Variants in AKAP1 observed in about 807,000 individuals in gnomAD.
The protein encoded by AKAP1 is A-kinase anchor protein 1, mitochondrial.
AKAP1 carries 32 observed loss-of-function variants against 79.8 expected under a neutral mutation model. The ratio of observed to expected loss-of-function variants is 0.40; its 90% confidence interval spans 0.30 to 0.54. The LOEUF is 0.54. Ranked by LOEUF, AKAP1 falls within the 20% of genes least tolerant of loss-of-function variation. The pLI, the probability that AKAP1 is intolerant of heterozygous loss-of-function variation, is 0.47. For missense variants in AKAP1, 961 were observed against 1,138.9 expected, an observed-to-expected ratio of 0.84 and a Z score of 2.25; for synonymous variants, 416 against 466.7, an observed-to-expected ratio of 0.89 and a Z score of 1.40.
In AKAP1 at chr17:57,112,532, A is replaced by C. The variant is rs150230283; in HGVS notation, c.2017A>C (p.Lys673Gln). 119 of 1,614,172 alleles carry C rather than the reference A, an allele frequency of 7.4e-5. No homozygotes were observed. The African/African-American group carries it at 1.5e-3, about 20-fold the overall frequency. The change falls in exon 5 of 11, where the codon AAG becomes CAG. Residue 673 changes from lysine to glutamine, a missense_variant. Lys to Gln is a moderately conservative substitution (Grantham distance 53). Transcript: ENST00000337714. ...AGACAAAGCGCTGAACTTGATTGGG[A>C]AGAAGTTCAAAGAGCTGAACCTCAC... ...HVDKALNLIGKKFKELNLTNI... is the reference protein window; with the variant it reads ...HVDKALNLIGQKFKELNLTNI...
At chr17:57,119,102 G>A (rs1413178064) in intron 10 of AKAP1, 58 bp downstream of exon 10, 1 of 1,563,754 alleles carries the variant, frequency 6.4e-7, no homozygotes, top group African/African-American at 1.4e-5. Context: ...GGATTGATTA[G>A]GAGCTGGTCC....
Position 57,105,680 on chromosome 17 carries a change from C to T in AKAP1, c.216C>T (p.Pro72=). The T allele has an allele frequency of 2.5e-6, 4 of 1,614,184 alleles. No homozygotes were observed. The highest frequency in any genetic ancestry group is 3.4e-6 in the Non-Finnish European group (4 of 1,180,028). Residue 72 remains proline (P), a synonymous_variant, in exon 2 of 11, where the codon CCC becomes CCT. Coordinates refer to ENST00000337714, the MANE Select transcript of AKAP1 (RefSeq NM_003488.4). Reference sequence around the variant, plus strand: ...GTCCCAAAGTAGTGTCCACACCCCCCAGTGTCACAGAGCCTCCAGAAAAGG... The same window carrying T: ...GTCCCAAAGTAGTGTCCACACCCCCTAGTGTCACAGAGCCTCCAGAAAAGG... The part of the protein sequence containing the change: ...DVCPKVVSTP[P]SVTEPPEKEL...
intron 6 of AKAP1, 40 bp from the exon 7 acceptor site, chr17:57,116,071 T>G: frequency 1.3e-6 from 2 of 1,599,660 alleles, no homozygotes; most frequent in East Asian, 4.5e-5. Context: ...TGCCCTGCCC[T>G]GGCCCAGGCG....
rs751008592 is a variant in AKAP1 at position 57,112,632 on chromosome 17, T to G, written c.2103+14T>G. On this transcript the variant is annotated intron_variant, in intron 5 of 10. Coordinates refer to ENST00000337714, the MANE Select transcript of AKAP1 (RefSeq NM_003488.4). ...ATGACATCCTGGGTGAGCGTGCTACTGGGTGATCCGGACTTCTTGCCACTT... is the reference window on the plus strand; with the variant it reads ...ATGACATCCTGGGTGAGCGTGCTACGGGGTGATCCGGACTTCTTGCCACTT... 1.4e-5 allele frequency: 23 copies of G among 1,596,442 alleles called. No individual in the cohort carries two copies. Among genetic ancestry groups the G allele is most frequent in the Admixed American group, 1.2e-4 (7 of 57,118 alleles).
chr17:57,098,856 G>C (rs1363057761), intron 1 of AKAP1, among the ~76,000 whole-genome samples: 1 of 150,450 alleles, frequency 6.6e-6, no homozygotes, highest in Non-Finnish European at 1.5e-5. Flanking sequence ...CCGCCTCCCA[G>C]GTTCATGCCA....
chr17:57,108,429 A>AT (rs535529304), intron 2 of AKAP1, among the ~76,000 whole-genome samples: 124 of 152,194 alleles, frequency 8.1e-4, no homozygotes, highest in African/African-American at 2.9e-3. Context: ...TATTTTATTT[A>AT]TTTTTTAAGA....
At chr17:57,098,648 T>A (rs1037901516) in intron 1 of AKAP1, 15 of 151,738 alleles carry the variant, frequency 9.9e-5, no homozygotes, top group African/African-American at 3.4e-4. Context: ...TACCACCTCT[T>A]GTAGCCCTGT....
chr17:57,099,054 C>T (rs1331959255), intron 1 of AKAP1, among the ~76,000 whole-genome samples: 2 of 152,010 alleles, frequency 1.3e-5, no homozygotes, highest in African/African-American at 2.4e-5. Flanking sequence ...CGTGAGCCAC[C>T]GCACCTAGCC....
chr17:57,116,417 G>A (rs1192123614), intron 7 of AKAP1, among the ~76,000 whole-genome samples, 156 bp downstream of exon 7: 2 of 152,114 alleles, frequency 1.3e-5, no homozygotes, highest in Admixed American at 6.5e-5. Flanking sequence ...AAACAAACTC[G>A]ATTACTCGCT....
intron 1 of AKAP1, among the ~76,000 whole-genome samples, chr17:57,090,827 G>A (rs1313797634): frequency 6.6e-6 from 1 of 152,204 alleles, no homozygotes; most frequent in African/African-American, 2.4e-5. Context: ...TGAGGGCTCA[G>A]GGAAACTGCT....
chr17:57,098,616 C>G (rs1914269636), intron 1 of AKAP1: 1 of 152,206 alleles, frequency 6.6e-6, no homozygotes, highest in Non-Finnish European at 1.5e-5. Flanking sequence ...CCTGGGCACT[C>G]AGGAAAGCCT....
rs112469662 is a variant in AKAP1, at chr17:57,106,186, G to C, written c.722G>C (p.Gly241Ala). The change falls in exon 2 of 11, where the codon GGG becomes GCG. Residue 241 changes from glycine (G) to alanine (A), a missense_variant. Physicochemically the swap from Gly to Ala is moderately conservative, Grantham distance 60. Coordinates refer to ENST00000337714, the MANE Select transcript of AKAP1 (RefSeq NM_003488.4). Reference sequence around the variant, plus strand: ...GGCCCCAGCCTGGCCTCTTTAGAGGGGGAAGAAGATAAGGGGAAGAGCAGC... The same window carrying C: ...GGCCCCAGCCTGGCCTCTTTAGAGGCGGAAGAAGATAAGGGGAAGAGCAGC... ...SKGPSLASLE[G>A]EEDKGKSSSS... 5.5e-4 allele frequency: 890 copies of C among 1,614,146 alleles called. 4 individuals are homozygous for C. In the African/African-American group the frequency reaches 9.9e-3, roughly 18 times the overall value.
chr17:57,085,652 G>C (rs1042733296), intron 1 of AKAP1: 1 of 152,214 alleles, frequency 6.6e-6, no homozygotes, highest in African/African-American at 2.4e-5. Context: ...GCGGGCTCCT[G>C]ACAGATCGCG....
chr17:57,108,333 T>C (rs1377302599), intron 2 of AKAP1, among the ~76,000 whole-genome samples: 3 of 152,250 alleles, frequency 2.0e-5, no homozygotes, highest in African/African-American at 7.2e-5. Context: ...GTCATGATTA[T>C]AGAAGGCAAG....
chr17:57,086,540 G>T lies in AKAP1; in HGVS notation c.-25+1142G>T. On this transcript the variant is annotated intron_variant, in intron 1 of 10. Transcript: ENST00000337714. This position sits in a 1 kb window ranked among gnomAD's most constrained non-coding sequence, Gnocchi z 5.1. ...AAACCCGGTGGACTTCGCTCCAGGT[G>T]CGAGTCGAGGCCTCTCAAGCTGGGT... 2.3e-6 allele frequency: 1 copy of T among 434,054 alleles called. No homozygotes were observed. Among genetic ancestry groups the T allele is most frequent in the Non-Finnish European group, 4.6e-6 (1 of 217,630 alleles). The allele number at this position is 434,054 out of a possible 1,614,324, so 26.9% of individuals were successfully genotyped here. A position where few individuals can be genotyped will look rare whatever the true frequency, so the allele number is the denominator to read the frequency against.
intron 1 of AKAP1, among the ~76,000 whole-genome samples, chr17:57,101,286 C>T (rs1914494988): frequency 6.6e-6 from 1 of 152,110 alleles, no homozygotes; most frequent in Non-Finnish European, 1.5e-5. Flanking sequence ...GCAACCTCCG[C>T]CTCCCTGGCT....
At chr17:57,097,334 A>G (rs1013459647) in intron 1 of AKAP1, among the ~76,000 whole-genome samples, 1 of 152,230 alleles carries the variant, frequency 6.6e-6, no homozygotes, top group Non-Finnish European at 1.5e-5. Flanking sequence ...TGATTCTTCC[A>G]TCAGAATCGT....
chr17:57,118,594 T>C (rs1597994488), intron 9 of AKAP1, 140 bp downstream of exon 9: 1 of 772,914 alleles, frequency 1.3e-6, no homozygotes, highest in Admixed American at 2.4e-5. Context: ...TAATACTTGA[T>C]ATTAGTCTGT....
chr17:57,090,468 T>G (rs1913717988), intron 1 of AKAP1, among the ~76,000 whole-genome samples: 1 of 145,028 alleles, frequency 6.9e-6, no homozygotes. Flanking sequence ...TGGGGCGTGC[T>G]CCCCACCTCC....
Sources: gnomAD v4.1 joint callset for allele counts (sites outside exome capture counted in the v4.1 genomes callset) on GRCh38, gnomAD v4.1.1 for gene constraint, Gnocchi (gnomAD v3.1) non-coding constraint, MANE v1.5 for transcripts, NCBI Gene and HGNC (gene_info 2026-07-23, HGNC 2026-07-21) for gene names.